Variants in GPM6A observed in about 807,000 individuals in gnomAD.
GPM6A encodes glycoprotein M6A.
In GPM6A, 7 loss-of-function variants were observed where a neutral mutation model predicts 32.1. The ratio of observed to expected loss-of-function variants is 0.22; its 90% CI spans 0.12 to 0.41. The LOEUF is 0.41. Ranked by LOEUF, GPM6A falls within the 10% of genes least tolerant of loss-of-function variation. The pLI, the probability that GPM6A is intolerant of heterozygous loss-of-function variation, is 1.00. For missense variants in GPM6A, 235 were observed against 347.2 expected (o/e 0.68, Z 2.57); for synonymous variants, 130 against 123.4 (o/e 1.05, Z -0.35).
intron 1 of GPM6A, among the ~76,000 whole-genome samples, chr4:175,879,537 T>G (rs903329950): frequency 6.6e-6 from 1 of 152,098 alleles, no homozygotes; most frequent in Admixed American, 6.6e-5. Flanking sequence ...AAGTATCAGA[T>G]CTCATGAGAA....
chr4:175,845,838 T>C (rs1012369831), intron 1 of GPM6A, among the ~76,000 whole-genome samples: 2 of 152,074 alleles, frequency 1.3e-5, no homozygotes, highest in African/African-American at 4.8e-5. Flanking sequence ...ATTATTCCCA[T>C]GCTAAAAAAC....
At chr4:175,750,013 A>C in intron 1 of GPM6A, among the ~76,000 whole-genome samples, 1 of 152,026 alleles carries the variant, frequency 6.6e-6, no homozygotes, top group East Asian at 1.9e-4. Flanking sequence ...CAGATTCCAC[A>C]ACTGCATTCT....
intron 2 of GPM6A, among the ~76,000 whole-genome samples, chr4:175,679,499 C>G (rs564408644): frequency 6.6e-6 from 1 of 152,142 alleles, no homozygotes; most frequent in East Asian, 1.9e-4. Context: ...ACTTTAAGAC[C>G]AAGCAAACAT....
chr4:175,910,561 T>C lies in GPM6A; in HGVS notation c.-23+91748A>G, dbSNP rs17062238. Among the ~76,000 whole-genome samples, 1,018 of 152,268 alleles carry C rather than the reference T, an allele frequency of 6.7e-3. 10 individuals are homozygous for C. The highest frequency in any genetic ancestry group is 0.023 in the African/African-American group (946 of 41,550). On this transcript the variant is annotated intron_variant, in intron 1 of 7. Transcript: ENST00000280187. ...GAGCTGGTGTTATAACCACAGGACA[T>C]GGAATATATATAAAGCAGGTGTGCT...
At chr4:175,921,930 A>G (rs1383773661) in intron 1 of GPM6A, among the ~76,000 whole-genome samples, 1 of 152,210 alleles carries the variant, frequency 6.6e-6, no homozygotes, top group Admixed American at 6.5e-5. Flanking sequence ...TCTCTTGGGC[A>G]ATAATCCAGG....
intron 1 of GPM6A, among the ~76,000 whole-genome samples, chr4:175,977,755 T>C (rs1740701814): frequency 6.6e-6 from 1 of 152,202 alleles, no homozygotes. Flanking sequence ...ATATTCAATG[T>C]CTACGTGATG....
At chr4:175,753,007 G>GGAATA (rs1732396193) in intron 1 of GPM6A, among the ~76,000 whole-genome samples, 1 of 152,136 alleles carries the variant, frequency 6.6e-6, no homozygotes, top group Non-Finnish European at 1.5e-5. Flanking sequence ...GTATTCCCAT[G>GGAATA]CGCTGAAACA....
intron 1 of GPM6A, among the ~76,000 whole-genome samples, chr4:175,915,746 G>A (rs552732186): frequency 5.9e-5 from 9 of 152,268 alleles, no homozygotes; most frequent in South Asian, 2.1e-4. Context: ...AATACTCAGG[G>A]TATGGGGAAA....
chr4:175,674,324 T>C (rs1038058926), intron 2 of GPM6A, among the ~76,000 whole-genome samples: 12 of 152,160 alleles, frequency 7.9e-5, no homozygotes, highest in African/African-American at 2.9e-4. Context: ...ATTACAGGCA[T>C]GTGTCACCAT....
In GPM6A at chr4:175,955,798, C is replaced by A. The variant is rs185407285; in HGVS notation, c.-23+46511G>T. On this transcript the variant is annotated intron_variant, in intron 1 of 7. Transcript: ENST00000280187. ...GAGTAAACGATCCATTCCTGAACATCTAGATCCAGTGTTGTATGAAGCAGG... is the reference window on the plus strand; with the variant it reads ...GAGTAAACGATCCATTCCTGAACATATAGATCCAGTGTTGTATGAAGCAGG... 3.9e-5 allele frequency among the ~76,000 whole-genome samples: 6 copies of A among 152,254 alleles called. No individual in the cohort carries two copies. In the East Asian group the frequency reaches 1.2e-3, roughly 30 times the overall value.
At chr4:175,782,273 C>G (rs1222778677) in intron 1 of GPM6A, among the ~76,000 whole-genome samples, 1 of 152,040 alleles carries the variant, frequency 6.6e-6, no homozygotes, top group Non-Finnish European at 1.5e-5. Flanking sequence ...ATTTTTTTCC[C>G]TCACCCACCT....
At chr4:175,906,693 T>A (rs1176421809) in intron 1 of GPM6A, 2 of 152,128 alleles carry the variant, frequency 1.3e-5, no homozygotes, top group African/African-American at 4.8e-5. Flanking sequence ...ATGAGTCCAA[T>A]CCGATACTGC....
At chr4:175,663,324 C>T (rs1228899965) in intron 3 of GPM6A, among the ~76,000 whole-genome samples, 1 of 152,076 alleles carries the variant, frequency 6.6e-6, no homozygotes, top group Non-Finnish European at 1.5e-5. Flanking sequence ...ATAAATAAAC[C>T]TTGGTACATC....
chr4:175,711,451 TATATATACAC>T (rs1560890043), intron 1 of GPM6A, among the ~76,000 whole-genome samples: 3 of 41,416 alleles, frequency 7.2e-5, no homozygotes, highest in South Asian at 6.8e-4. Flanking sequence ...TATATATATA[TATATATACAC>T]ACACATACAT....
At chr4:175,650,409 A>G (rs1741733154) in intron 4 of GPM6A, among the ~76,000 whole-genome samples, 1 of 151,838 alleles carries the variant, frequency 6.6e-6, no homozygotes, top group African/African-American at 2.4e-5. Context: ...GGTTCAAGAA[A>G]TTCTCCTGCC....
At chr4:175,848,457 G>T (rs75338316) in intron 1 of GPM6A, among the ~76,000 whole-genome samples, 150 of 152,192 alleles carry the variant, frequency 9.9e-4, no homozygotes, top group African/African-American at 1.9e-3. Flanking sequence ...CTGTCTTACA[G>T]TGTTTAAAAT....
chr4:175,662,328 G>A (rs143831955), intron 3 of GPM6A, among the ~76,000 whole-genome samples: 2,647 of 152,122 alleles, frequency 0.017, 35 homozygotes, highest in Non-Finnish European at 0.026. Context: ...GGCCAGGCTC[G>A]GTGGCTCACA....
chr4:175,841,641 T>C (rs1579558963), intron 1 of GPM6A, among the ~76,000 whole-genome samples: 1 of 151,800 alleles, frequency 6.6e-6, no homozygotes, highest in Non-Finnish European at 1.5e-5. Flanking sequence ...TGTTGAAACA[T>C]TCAGTCAAAT....
chr4:175,883,043 T>A (rs1183962705), intron 1 of GPM6A, among the ~76,000 whole-genome samples: 2 of 152,062 alleles, frequency 1.3e-5, no homozygotes, highest in African/African-American at 2.4e-5. Context: ...CACACTAAAG[T>A]ACAATGGAGA....
Sources: allele counts gnomAD v4.1 joint callset (sites outside exome capture counted in the v4.1 genomes callset), GRCh38; gene constraint gnomAD v4.1.1; transcripts MANE v1.5; gene names NCBI Gene and HGNC (gene_info 2026-07-23, HGNC 2026-07-21).